The following HDGFL3 variants were observed in gnomAD, a reference collection of about 807,000 sequenced individuals.
The protein encoded by HDGFL3 is hepatoma-derived growth factor-related protein 3.
In HDGFL3, 6 loss-of-function variants were observed where a neutral mutation model predicts 27.6. The ratio of observed to expected loss-of-function variants is 0.22; its 90% confidence interval spans 0.12 to 0.43. HDGFL3 has a LOEUF of 0.43. Ranked by LOEUF, HDGFL3 falls within the 20% of genes least tolerant of loss-of-function variation. HDGFL3 has a pLI of 1.00. For missense variants in HDGFL3, 207 were observed against 250.1 expected, an observed-to-expected ratio of 0.83 and a Z score of 1.16; for synonymous variants, 88 against 88.9, an observed-to-expected ratio of 0.99 and a Z score of 0.05.
chr15:83,179,975 A>AT (rs1331506476), intron 1 of HDGFL3: 1 of 152,396 alleles, frequency 6.6e-6, no homozygotes, highest in African/African-American at 2.4e-5. Context: ...GGAGTGAAGT[A>AT]TAAGGATTGT....
intron 1 of HDGFL3, among the ~76,000 whole-genome samples, chr15:83,187,984 TG>T (rs2037466650): frequency 6.6e-6 from 1 of 152,152 alleles, no homozygotes; most frequent in Non-Finnish European, 1.5e-5. Context: ...AGGAGATTGT[TG>T]GATCATAGAT....
chr15:83,153,388 C>T (rs1567167973), intron 4 of HDGFL3, among the ~76,000 whole-genome samples: 1 of 151,998 alleles, frequency 6.6e-6, no homozygotes, highest in East Asian at 1.9e-4. Context: ...TTATGAGTAA[C>T]CTTATAAATT....
downstream of HDGFL3, chr15:83,124,894 C>T: frequency 2.3e-6 from 2 of 862,054 alleles, no homozygotes; most frequent in Non-Finnish European, 3.6e-6. Context: ...ACTAACAAAC[C>T]ATTCCTCCCA....
At chr15:83,117,337 TG>T (rs1413802827) in intron 3 of HDGFL3, among the ~76,000 whole-genome samples, 2 of 152,084 alleles carry the variant, frequency 1.3e-5, no homozygotes, top group Non-Finnish European at 2.9e-5. Flanking sequence ...TCTTGAGCTC[TG>T]AGGAGCAGTC....
chr15:83,135,222 T>C lies in HDGFL3; in HGVS notation c.*4048A>G, dbSNP rs2036531189. ...GCCACTGATAAAAAATTCATAAAGA[T>C]GCTGCTTAAAAAAACTTGTCCTTTT... On this transcript the variant is annotated 3_prime_UTR_variant, in exon 6 of 6. Coordinates refer to ENST00000299633, the MANE Select transcript of HDGFL3 (RefSeq NM_016073.4). 6.6e-6 allele frequency: 1 copy of C among 152,210 alleles called. No individual in the cohort carries two copies. The highest frequency in any genetic ancestry group is 1.5e-5 in the Non-Finnish European group (1 of 68,026). The allele number at this position is 152,210 out of a possible 1,614,324, so 9.4% of individuals were successfully genotyped here. A position where few individuals can be genotyped will look rare whatever the true frequency, so the allele number is the denominator to read the frequency against.
chr15:83,206,398 T>G (rs1217059545), intron 1 of HDGFL3, among the ~76,000 whole-genome samples: 1 of 152,224 alleles, frequency 6.6e-6, no homozygotes, highest in Non-Finnish European at 1.5e-5. Flanking sequence ...AGCAATCAAC[T>G]GCCAACCATA....
intron 1 of HDGFL3, among the ~76,000 whole-genome samples, chr15:83,195,852 G>A (rs1267435308): frequency 6.6e-6 from 1 of 151,918 alleles, no homozygotes; most frequent in South Asian, 2.1e-4. Flanking sequence ...AAACAGAAAA[G>A]TTTTGAGTAA....
At chr15:83,151,779 A>C (rs923623926) in intron 4 of HDGFL3, among the ~76,000 whole-genome samples, 1 of 152,220 alleles carries the variant, frequency 6.6e-6, no homozygotes, top group Non-Finnish European at 1.5e-5. Context: ...GAAAGAAGTG[A>C]GGTGAACTAT....
chr15:83,207,281 G>T lies in HDGFL3; in HGVS notation c.84+50C>A. ...GGAAAGGGGGCGGGCGCGCCATCAT[G>T]AAGGGGAAAATGGTGGGCGGGCGGG... is the stretch of plus-strand genomic sequence containing the variant. On this transcript the variant is annotated intron_variant, in intron 1 of 5. Coordinates refer to ENST00000299633, the MANE Select transcript of HDGFL3 (RefSeq NM_016073.4). The surrounding 1 kb of genome is among the most constrained non-coding windows in gnomAD (Gnocchi z 4.8). 8.1e-7 allele frequency: 1 copy of T among 1,238,766 alleles called. No homozygotes were observed. The highest frequency in any genetic ancestry group is 1.0e-6 in the Non-Finnish European group (1 of 959,158). 76.7% of individuals were successfully genotyped at this position (1,238,766 alleles called of 1,614,324 possible). A position where few individuals can be genotyped will look rare whatever the true frequency, so the allele number is the denominator to read the frequency against.
At chr15:83,178,535 A>G (rs1045428691) in intron 1 of HDGFL3, among the ~76,000 whole-genome samples, 1 of 152,136 alleles carries the variant, frequency 6.6e-6, no homozygotes, top group Admixed American at 6.5e-5. Flanking sequence ...GTGGTGGTGC[A>G]TGCCTGTGGT....
At chr15:83,183,360 T>C (rs2037402446) in intron 1 of HDGFL3, among the ~76,000 whole-genome samples, 1 of 151,848 alleles carries the variant, frequency 6.6e-6, no homozygotes, top group Non-Finnish European at 1.5e-5. Flanking sequence ...GTGAAATTAT[T>C]GCTAAATAAT....
chr15:83,147,772 T>C (rs1243306134), intron 5 of HDGFL3, among the ~76,000 whole-genome samples: 1 of 152,182 alleles, frequency 6.6e-6, no homozygotes, highest in Non-Finnish European at 1.5e-5. Context: ...GAAAGTCTGA[T>C]AAAGCTGACT....
intron 1 of HDGFL3, chr15:83,186,213 A>G (rs2037440277): frequency 6.6e-6 from 1 of 152,262 alleles, no homozygotes; most frequent in Admixed American, 6.5e-5. Context: ...TATTGTTTTA[A>G]GCCATTAAAT....
chr15:83,180,104 T>C (rs2037361331), intron 1 of HDGFL3, among the ~76,000 whole-genome samples: 2 of 150,254 alleles, frequency 1.3e-5, no homozygotes, highest in Non-Finnish European at 3.0e-5. Flanking sequence ...CAGGATTCAA[T>C]AGTGGAAAAG....
downstream of HDGFL3, among the ~76,000 whole-genome samples, chr15:83,125,165 G>A (rs897181910): frequency 6.6e-6 from 1 of 152,166 alleles, no homozygotes; most frequent in African/African-American, 2.4e-5. Flanking sequence ...TCAGGAGTAG[G>A]GGCAATGGGG....
At chr15:83,163,763 T>C (rs985542220) in intron 2 of HDGFL3, 24 of 485,082 alleles carry the variant, frequency 4.9e-5, no homozygotes, top group Non-Finnish European at 7.0e-5. Context: ...TTGTGGGTGA[T>C]GACCAACATT....
At chr15:83,185,785 T>A (rs1325490957) in intron 1 of HDGFL3, 1 of 152,216 alleles carries the variant, frequency 6.6e-6, no homozygotes, top group Non-Finnish European at 1.5e-5. Flanking sequence ...AAATCCCCTG[T>A]CCTTGAGTAT....
intron 1 of HDGFL3, among the ~76,000 whole-genome samples, chr15:83,201,187 T>C (rs181228224): frequency 7.5e-4 from 113 of 150,448 alleles, no homozygotes; most frequent in African/African-American, 2.6e-3. Flanking sequence ...AATGACTAGT[T>C]TTTTTTTTTA....
At chr15:83,162,602 TA>T (rs750544990) in intron 2 of HDGFL3, among the ~76,000 whole-genome samples, 6 of 152,164 alleles carry the variant, frequency 3.9e-5, no homozygotes, top group Non-Finnish European at 8.8e-5. Flanking sequence ...GCATAGTCCA[TA>T]ATGTCTATTA....
Sources: gnomAD v4.1 joint callset for allele counts (sites outside exome capture counted in the v4.1 genomes callset) on GRCh38, gnomAD v4.1.1 for gene constraint, Gnocchi (gnomAD v3.1) non-coding constraint, MANE v1.5 for transcripts, NCBI Gene and HGNC (gene_info 2026-07-23, HGNC 2026-07-21) for gene names.